KCNIP4: variants seen among roughly 807,000 people sequenced by gnomAD.
KCNIP4 encodes Kv channel-interacting protein 4.
In KCNIP4, 12 loss-of-function variants were observed where a neutral mutation model predicts 34.0. That is an observed-to-expected ratio of 0.35 (90% CI 0.23 to 0.57). The LOEUF (loss-of-function observed/expected upper bound fraction) is 0.57, where lower values mean the gene tolerates loss of function less well. Among genes scored for constraint, KCNIP4 ranks in the 20% least tolerant of loss-of-function variants. KCNIP4 has a pLI of 0.83. For missense variants in KCNIP4, 238 were observed against 311.7 expected (o/e 0.76, Z 1.78); for synonymous variants, 124 against 102.2 (o/e 1.21, Z -1.29).
rs192461678 is a variant in KCNIP4, at chr4:21,491,281, C to T, written c.61+457290G>A. On this transcript the variant is annotated intron_variant, in intron 1 of 8. Transcript: ENST00000382152. ...CCCATGAAAACTTCCAGGGATGATC[C>T]TTCATGGGTTTTTTGCCTTTGCCAA... Among the ~76,000 whole-genome samples, 10 of 152,208 alleles carry T rather than the reference C, an allele frequency of 6.6e-5. No individual in the cohort carries two copies. In the East Asian group the frequency reaches 1.8e-3, roughly 27 times the overall value.
At chr4:21,916,002 C>G (rs1282794213) in intron 1 of KCNIP4, among the ~76,000 whole-genome samples, 1 of 152,180 alleles carries the variant, frequency 6.6e-6, no homozygotes, top group African/African-American at 2.4e-5. Context: ...ACTGCTGATT[C>G]CCAGCCACAC....
At chr4:21,226,652 G>A (rs1002068253) in intron 1 of KCNIP4, among the ~76,000 whole-genome samples, 1 of 152,062 alleles carries the variant, frequency 6.6e-6, no homozygotes, top group African/African-American at 2.4e-5. Context: ...TAGTTAAGAG[G>A]CAATGATGAA....
intron 1 of KCNIP4, among the ~76,000 whole-genome samples, chr4:21,201,471 T>C (rs1756488134): frequency 6.6e-6 from 1 of 152,204 alleles, no homozygotes; most frequent in Non-Finnish European, 1.5e-5. Flanking sequence ...CAGGATACTA[T>C]GAATTGTGAT....
At chr4:20,731,066 A>T (rs1416687636) in intron 8 of KCNIP4, among the ~76,000 whole-genome samples, 1 of 152,160 alleles carries the variant, frequency 6.6e-6, no homozygotes, top group African/African-American at 2.4e-5. Flanking sequence ...TTTCAGGATT[A>T]TTTGAAAAAT....
intron 1 of KCNIP4, among the ~76,000 whole-genome samples, chr4:21,760,953 C>T (rs916350976): frequency 1.3e-5 from 2 of 152,086 alleles, no homozygotes; most frequent in Non-Finnish European, 2.9e-5. Flanking sequence ...GTTCTAGGTG[C>T]TTATGAGTCT....
chr4:21,037,530 A>T (rs1741557650), intron 1 of KCNIP4, among the ~76,000 whole-genome samples: 1 of 152,246 alleles, frequency 6.6e-6, no homozygotes, highest in African/African-American at 2.4e-5. Flanking sequence ...CTAAGTGTGT[A>T]GTAGGCTACA....
At chr4:21,551,674 T>G (rs1170558491) in intron 1 of KCNIP4, among the ~76,000 whole-genome samples, 1 of 116,600 alleles carries the variant, frequency 8.6e-6, no homozygotes, top group African/African-American at 3.5e-5. Flanking sequence ...CACATTATAA[T>G]TTTTCATGAG....
At chr4:21,135,811 T>C (rs1022962617) in intron 1 of KCNIP4, among the ~76,000 whole-genome samples, 1 of 152,148 alleles carries the variant, frequency 6.6e-6, no homozygotes, top group Non-Finnish European at 1.5e-5. Context: ...TTTCCTTGGG[T>C]CAGCTCTTGA....
At chr4:20,873,456 C>A (rs962922938) in intron 2 of KCNIP4, among the ~76,000 whole-genome samples, 8 of 152,120 alleles carry the variant, frequency 5.3e-5, no homozygotes, top group Non-Finnish European at 2.9e-5. Flanking sequence ...CTTTCTCTTT[C>A]TCTCTCAACA....
chr4:21,277,946 G>A (rs1203566669), intron 1 of KCNIP4, among the ~76,000 whole-genome samples: 1 of 152,064 alleles, frequency 6.6e-6, no homozygotes, highest in East Asian at 1.9e-4. Flanking sequence ...GAAAAGAATG[G>A]CGTTCTGCTT....
At chr4:21,317,850 C>T (rs1713948335) in intron 1 of KCNIP4, among the ~76,000 whole-genome samples, 1 of 152,178 alleles carries the variant, frequency 6.6e-6, no homozygotes, top group East Asian at 1.9e-4. Context: ...TCTTCCTGCA[C>T]AAGCTCTCTA....
rs186638621 is a variant in KCNIP4 at position 21,873,977 on chromosome 4, G to A, written c.61+74594C>T. Among the ~76,000 whole-genome samples, 291 of 152,320 alleles carry A rather than the reference G, an allele frequency of 1.9e-3. 2 individuals are homozygous for A. The highest frequency in any genetic ancestry group is 6.9e-3 in the African/African-American group (285 of 41,570). ...CATTTTGTTCACTCTGCTCACACAA[G>A]ATAATTTGCTTGCTCTCTCTACATT... On this transcript the variant is annotated intron_variant, in intron 1 of 8. Coordinates refer to ENST00000382152, the MANE Select transcript of KCNIP4 (RefSeq NM_025221.6).
At chr4:21,381,461 C>T (rs1367911010) in intron 1 of KCNIP4, among the ~76,000 whole-genome samples, 2 of 152,140 alleles carry the variant, frequency 1.3e-5, no homozygotes, top group African/African-American at 4.8e-5. Flanking sequence ...ACTTGGCATT[C>T]TTGGCTCATT....
intron 1 of KCNIP4, among the ~76,000 whole-genome samples, chr4:21,580,639 TC>T (rs1211285558): frequency 6.6e-6 from 1 of 152,110 alleles, no homozygotes; most frequent in Admixed American, 6.6e-5. Flanking sequence ...AAATGATCAT[TC>T]TCAGCATTCT....
chr4:21,617,852 T>C (rs961388403), intron 1 of KCNIP4, among the ~76,000 whole-genome samples: 4 of 152,242 alleles, frequency 2.6e-5, no homozygotes, highest in African/African-American at 9.6e-5. Flanking sequence ...TTTTAAACTC[T>C]GTCTTTGAAA....
intron 1 of KCNIP4, among the ~76,000 whole-genome samples, chr4:21,278,397 C>T (rs6837382): frequency 0.18 from 26,669 of 152,044 alleles, 3,067 homozygotes; most frequent in African/African-American, 0.32. Context: ...GTTCCCCTCT[C>T]TGTGTCCATG....
intron 1 of KCNIP4, among the ~76,000 whole-genome samples, chr4:21,400,542 TC>T (rs1293041332): frequency 2.3e-4 from 22 of 96,242 alleles, no homozygotes; most frequent in Non-Finnish European, 3.5e-4. Flanking sequence ...TCTCTTCTCT[TC>T]TCTTCTCTTC....
chr4:21,575,195 GC>G (rs2109059716), intron 1 of KCNIP4, among the ~76,000 whole-genome samples: 1 of 151,270 alleles, frequency 6.6e-6, no homozygotes, highest in African/African-American at 2.5e-5. Flanking sequence ...CAGCTGGGTA[GC>G]CATGGAGTTT....
chr4:21,188,848 C>G (rs559942541), intron 1 of KCNIP4, among the ~76,000 whole-genome samples: 83 of 152,232 alleles, frequency 5.5e-4, no homozygotes, highest in African/African-American at 1.9e-3. Context: ...AGCAGGGGTC[C>G]TGCCTGTTCA....
Sources: gnomAD v4.1 joint callset for allele counts (sites outside exome capture counted in the v4.1 genomes callset) on GRCh38, gnomAD v4.1.1 for gene constraint, MANE v1.5 for transcripts, NCBI Gene and HGNC (gene_info 2026-07-23, HGNC 2026-07-21) for gene names.